DCC: variants seen among roughly 807,000 people sequenced by gnomAD.
DCC encodes the protein netrin receptor DCC.
A neutral mutation model predicts 172.5 loss-of-function variants in DCC; 58 were observed. The observed-to-expected ratio is 0.34, with a 90% CI of 0.27 to 0.42. The LOEUF is 0.42. DCC is among the 10% of genes least tolerant of loss of function. DCC has a pLI of 1.00. For missense variants in DCC, 1,740 were observed against 1,791.0 expected, an observed-to-expected ratio of 0.97 and a Z score of 0.51; for synonymous variants, 709 against 644.5, an observed-to-expected ratio of 1.10 and a Z score of -1.52.
intron 15 of DCC, among the ~76,000 whole-genome samples, chr18:53,351,995 A>G (rs2057818195): frequency 6.6e-6 from 1 of 152,046 alleles, no homozygotes; most frequent in Admixed American, 6.6e-5. Context: ...CATCAGATAA[A>G]TATTGTAATA....
intron 12 of DCC, among the ~76,000 whole-genome samples, chr18:53,270,051 T>C (rs1388052432): frequency 6.6e-6 from 1 of 152,154 alleles, no homozygotes; most frequent in Non-Finnish European, 1.5e-5. Flanking sequence ...CATTGGGCTG[T>C]TTATGCTGGA....
chr18:53,264,741 C>T (rs748314492), intron 12 of DCC, among the ~76,000 whole-genome samples: 5 of 152,056 alleles, frequency 3.3e-5, no homozygotes, highest in Middle Eastern at 3.4e-3. Context: ...CTCCCTTTAA[C>T]TCAATAATTA....
At chr18:53,127,884 A>G (rs1407189032) in intron 7 of DCC, among the ~76,000 whole-genome samples, 1 of 152,134 alleles carries the variant, frequency 6.6e-6, no homozygotes, top group Non-Finnish European at 1.5e-5. Flanking sequence ...TATGGCACCA[A>G]ATTATTTTTG....
chr18:52,748,274 G>A (rs2036939547), intron 1 of DCC, among the ~76,000 whole-genome samples: 1 of 152,166 alleles, frequency 6.6e-6, no homozygotes, highest in Non-Finnish European at 1.5e-5. Context: ...TGGACTGGGG[G>A]AACACGGTGA....
rs1005041234 is a variant in DCC at position 52,893,925 on chromosome 18, G to C, written c.413-12119G>C. Among the ~76,000 whole-genome samples, 8 of 152,100 alleles carry C rather than the reference G, an allele frequency of 5.3e-5. No homozygotes were observed. The East Asian group carries it at 1.2e-3, about 22-fold the overall frequency. On this transcript the variant is annotated intron_variant, in intron 2 of 28. Transcript: ENST00000442544. ...TACAATTTAAAAAAAACAGTATCAG[G>C]CTCTCTTATGAAGGAGAAAAAACAT...
chr18:52,553,664 A>G (rs1191002322), intron 1 of DCC, among the ~76,000 whole-genome samples: 2 of 152,032 alleles, frequency 1.3e-5, no homozygotes, highest in African/African-American at 4.8e-5. Flanking sequence ...ATGGTAGACA[A>G]TAATGACAGT....
At chr18:52,678,608 C>G (rs545279834) in intron 1 of DCC, among the ~76,000 whole-genome samples, 1 of 152,232 alleles carries the variant, frequency 6.6e-6, no homozygotes, top group Admixed American at 6.5e-5. Context: ...AAAAAATGCT[C>G]TAAAGCATTA....
At chr18:53,119,102 T>G (rs531180345) in intron 7 of DCC, among the ~76,000 whole-genome samples, 5 of 151,896 alleles carry the variant, frequency 3.3e-5, no homozygotes, top group Non-Finnish European at 5.9e-5. Context: ...TGTGGTACAT[T>G]TATGCTGTGT....
chr18:52,774,093 T>C (rs963413130), intron 2 of DCC, among the ~76,000 whole-genome samples: 7 of 152,210 alleles, frequency 4.6e-5, no homozygotes, highest in Admixed American at 1.3e-4. Flanking sequence ...AGGTAAACTG[T>C]GGCGTGGAGC....
At chr18:53,151,658 ATTAT>A (rs71953647) in intron 7 of DCC, among the ~76,000 whole-genome samples, 14,792 of 152,118 alleles carry the variant, frequency 0.097, 1,052 homozygotes, top group Admixed American at 0.21. Context: ...TAAATAAATG[ATTAT>A]TTAATGAGAT....
intron 27 of DCC, among the ~76,000 whole-genome samples, chr18:53,513,777 T>C (rs1008078179): frequency 6.7e-6 from 1 of 149,434 alleles, no homozygotes; most frequent in Non-Finnish European, 1.5e-5. Flanking sequence ...CCTAAATATA[T>C]ATGCACCCAA....
intron 1 of DCC, among the ~76,000 whole-genome samples, chr18:52,535,347 G>C (rs1305647132): frequency 6.6e-6 from 1 of 152,184 alleles, no homozygotes; most frequent in African/African-American, 2.4e-5. Context: ...TTTTGGGAAG[G>C]TTAGCAACAG....
chr18:52,580,723 G>A (rs147251517), intron 1 of DCC, among the ~76,000 whole-genome samples: 5 of 152,254 alleles, frequency 3.3e-5, no homozygotes, highest in Non-Finnish European at 5.9e-5. Context: ...TGTTATTGAC[G>A]TTGTTGTCAT....
Position 52,864,862 on chromosome 18 carries a change from C to CT in DCC, c.413-41175dup, listed in dbSNP as rs1291289014. On this transcript the variant is annotated intron_variant, in intron 2 of 28. Transcript: ENST00000442544. ...TCCCTGCAAAGGATATGAACTCATC[C>CT]TTTTTTTATTTTATTTTTATTGAGA... 4.4e-3 allele frequency among the ~76,000 whole-genome samples: 668 copies of CT among 150,444 alleles called. 3 individuals are homozygous for CT. The highest frequency in any genetic ancestry group is 7.9e-3 in the African/African-American group (326 of 41,182).
chr18:53,119,307 A>G (rs896460769), intron 7 of DCC, among the ~76,000 whole-genome samples: 1 of 151,706 alleles, frequency 6.6e-6, no homozygotes, highest in Non-Finnish European at 1.5e-5. Flanking sequence ...CTTTTCTGGT[A>G]TTTATCTCAC....
chr18:53,340,708 A>G (rs1392481419), intron 15 of DCC, among the ~76,000 whole-genome samples: 1 of 152,188 alleles, frequency 6.6e-6, no homozygotes, highest in Non-Finnish European at 1.5e-5. Context: ...AGTAAATATA[A>G]TATATCAGGA....
intron 12 of DCC, among the ~76,000 whole-genome samples, chr18:53,247,268 A>T (rs983716606): frequency 2.0e-5 from 3 of 151,976 alleles, no homozygotes; most frequent in Non-Finnish European, 4.4e-5. Flanking sequence ...ATTCTTCTTG[A>T]TCCTAAGTCT....
intron 5 of DCC, among the ~76,000 whole-genome samples, chr18:52,972,307 G>A (rs1188911799): frequency 6.6e-6 from 1 of 152,048 alleles, no homozygotes; most frequent in Admixed American, 6.6e-5. Flanking sequence ...GTTGCCTTGG[G>A]TGGATTTGTG....
At chr18:53,207,520 T>C (rs1037440018) in intron 10 of DCC, among the ~76,000 whole-genome samples, 159 bp from the exon 11 acceptor site, 3 of 152,118 alleles carry the variant, frequency 2.0e-5, no homozygotes, top group East Asian at 3.9e-4. Context: ...TGGTTTTTAG[T>C]GGGGGAGTCT....
Sources: allele counts gnomAD v4.1 joint callset (sites outside exome capture counted in the v4.1 genomes callset), GRCh38; gene constraint gnomAD v4.1.1; transcripts MANE v1.5; gene names NCBI Gene and HGNC (gene_info 2026-07-23, HGNC 2026-07-21).